The following LRRTM4 variants were observed in gnomAD, a reference collection of about 807,000 sequenced individuals.
LRRTM4 encodes the protein leucine rich repeat transmembrane neuronal 4.
In LRRTM4, 25 loss-of-function variants were observed where a neutral mutation model predicts 47.6. The ratio of observed to expected loss-of-function variants is 0.53; its 90% CI spans 0.38 to 0.73. LRRTM4 has a LOEUF of 0.73. LRRTM4 is among the 30% of genes least tolerant of loss of function. The pLI is 0.00. For synonymous variants in LRRTM4, 311 were observed against 269.5 expected (o/e 1.15, Z -1.51); for missense variants, 638 against 713.4 (o/e 0.89, Z 1.20).
At chr2:77,126,362 T>C (rs78580485) in intron 3 of LRRTM4, among the ~76,000 whole-genome samples, 1 of 152,058 alleles carries the variant, frequency 6.6e-6, no homozygotes, top group Non-Finnish European at 1.5e-5. Context: ...GAATTTCATG[T>C]TGAGGTTATG....
At chr2:77,365,463 GA>G (rs1672405598) in intron 3 of LRRTM4, among the ~76,000 whole-genome samples, 1 of 151,818 alleles carries the variant, frequency 6.6e-6, no homozygotes, top group Admixed American at 6.6e-5. Context: ...TTTTGGCATA[GA>G]TTTTTTTAAT....
At chr2:77,183,699 A>G (rs1193547105) in intron 3 of LRRTM4, among the ~76,000 whole-genome samples, 1 of 151,720 alleles carries the variant, frequency 6.6e-6, no homozygotes, top group African/African-American at 2.4e-5. Flanking sequence ...CAACAATGAT[A>G]GACTGGATTA....
Position 77,522,192 on chromosome 2 carries a change from G to T in LRRTM4, c.-231C>A. 2.8e-6 allele frequency: 2 copies of T among 709,362 alleles called. No individual in the cohort carries two copies. The highest frequency in any genetic ancestry group is 5.3e-6 in the Non-Finnish European group (2 of 380,850). 43.9% of individuals were successfully genotyped at this position (709,362 alleles called of 1,614,324 possible). A position where few individuals can be genotyped will look rare whatever the true frequency, so the allele number is the denominator to read the frequency against. On this transcript the variant is annotated 5_prime_UTR_variant, in exon 1 of 4. Transcript: ENST00000409884. ...GATTTTCAGTTCTTGAAGCAAGTAG[G>T]CCTCCTGTGCTGTATGAGACCCCAG...
intron 3 of LRRTM4, among the ~76,000 whole-genome samples, chr2:76,916,403 A>AAAT (rs567579593): frequency 7.2e-6 from 1 of 138,584 alleles, no homozygotes; most frequent in Admixed American, 7.7e-5. Context: ...AAAAAAAAAA[A>AAAT]AAAAGAAAAG....
At chr2:76,945,074 T>C (rs1675278712) in intron 3 of LRRTM4, among the ~76,000 whole-genome samples, 1 of 152,214 alleles carries the variant, frequency 6.6e-6, no homozygotes, top group Non-Finnish European at 1.5e-5. Context: ...AGGACAGGTA[T>C]GTGTTTTTTG....
chr2:77,495,371 T>A (rs1558770106), intron 3 of LRRTM4, among the ~76,000 whole-genome samples: 1 of 152,038 alleles, frequency 6.6e-6, no homozygotes, highest in Non-Finnish European at 1.5e-5. Context: ...TCCTTCACAG[T>A]GCCTTTCAAA....
intron 3 of LRRTM4, among the ~76,000 whole-genome samples, chr2:77,218,510 ATT>A (rs1558638687): frequency 6.8e-6 from 1 of 146,800 alleles, no homozygotes; most frequent in Non-Finnish European, 1.5e-5. Context: ...TGCTTTATTT[ATT>A]TATTTATTTA....
At chr2:77,216,374 T>A (rs1674439515) in intron 3 of LRRTM4, among the ~76,000 whole-genome samples, 1 of 152,148 alleles carries the variant, frequency 6.6e-6, no homozygotes, top group South Asian at 2.1e-4. Context: ...CTTTAAGAAA[T>A]ACAGTATTTG....
chr2:77,026,003 A>T (rs1015311478), intron 3 of LRRTM4, among the ~76,000 whole-genome samples: 5 of 152,200 alleles, frequency 3.3e-5, no homozygotes, highest in Admixed American at 6.5e-5. Flanking sequence ...AAAATAAAGC[A>T]TGTGCAATGG....
chr2:77,002,040 T>C (rs1428800898), intron 3 of LRRTM4, among the ~76,000 whole-genome samples: 2 of 152,154 alleles, frequency 1.3e-5, no homozygotes, highest in African/African-American at 4.8e-5. Flanking sequence ...CCACACAATT[T>C]ATAAAATACA....
At chr2:76,880,609 G>A (rs1672902131) in intron 3 of LRRTM4, among the ~76,000 whole-genome samples, 1 of 151,930 alleles carries the variant, frequency 6.6e-6, no homozygotes, top group Non-Finnish European at 1.5e-5. Context: ...GTACTTCAAG[G>A]TATGCAAAAC....
At chr2:77,320,767 A>G (rs1044984567) in intron 3 of LRRTM4, among the ~76,000 whole-genome samples, 1 of 152,080 alleles carries the variant, frequency 6.6e-6, no homozygotes, top group Admixed American at 6.5e-5. Context: ...AAATACACAG[A>G]GAAAAAAATG....
At chr2:77,015,461 G>C (rs1678029949) in intron 3 of LRRTM4, among the ~76,000 whole-genome samples, 1 of 151,968 alleles carries the variant, frequency 6.6e-6, no homozygotes, top group Non-Finnish European at 1.5e-5. Flanking sequence ...TCAGCCTTCT[G>C]AGTACCTGGG....
chr2:77,319,013 G>T (rs1677708685), intron 3 of LRRTM4, among the ~76,000 whole-genome samples: 1 of 151,976 alleles, frequency 6.6e-6, no homozygotes, highest in African/African-American at 2.4e-5. Flanking sequence ...TTTATAGATA[G>T]AGAAAATATT....
At chr2:77,350,088 C>A (rs1382519519) in intron 3 of LRRTM4, among the ~76,000 whole-genome samples, 1 of 149,240 alleles carries the variant, frequency 6.7e-6, no homozygotes, top group African/African-American at 2.5e-5. Flanking sequence ...TTTGGGAGGC[C>A]GAGGCGGGTG....
chr2:77,202,508 T>C (rs2103902562), intron 3 of LRRTM4, among the ~76,000 whole-genome samples: 1 of 152,244 alleles, frequency 6.6e-6, no homozygotes, highest in Admixed American at 6.5e-5. Flanking sequence ...TTGGAAGTGA[T>C]CAACCAGACT....
chr2:77,183,808 C>A (rs984717542), intron 3 of LRRTM4, among the ~76,000 whole-genome samples: 2 of 152,116 alleles, frequency 1.3e-5, no homozygotes, highest in Non-Finnish European at 2.9e-5. Context: ...TGGAAACCAT[C>A]ATTCTCAGCA....
chr2:77,246,847 G>A (rs1469469061), intron 3 of LRRTM4, among the ~76,000 whole-genome samples: 2 of 151,722 alleles, frequency 1.3e-5, no homozygotes, highest in Non-Finnish European at 2.9e-5. Context: ...ATACATATAT[G>A]CATATATAGA....
intron 3 of LRRTM4, among the ~76,000 whole-genome samples, chr2:77,370,734 A>G (rs951874087): frequency 6.6e-6 from 1 of 151,736 alleles, no homozygotes. Context: ...TATAAACTAA[A>G]CTGTCACCAT....
Sources: allele counts gnomAD v4.1 joint callset (sites outside exome capture counted in the v4.1 genomes callset), GRCh38; gene constraint gnomAD v4.1.1; transcripts MANE v1.5; gene names NCBI Gene and HGNC (gene_info 2026-07-23, HGNC 2026-07-21).